Variants in CLPSL2 observed in about 807,000 individuals in gnomAD.
CLPSL2 encodes colipase-like protein 2.
CLPSL2 carries 4 observed loss-of-function variants against 7.9 expected under a neutral mutation model. The observed-to-expected ratio is 0.50, with a 90% CI of 0.25 to 1.15. The LOEUF (loss-of-function observed/expected upper bound fraction) is 1.15, where lower values mean the gene tolerates loss of function less well. Among genes scored for constraint, CLPSL2 ranks in the 50% most tolerant of loss-of-function variants. The pLI, the probability that CLPSL2 is intolerant of heterozygous loss-of-function variation, is 0.15. For missense variants in CLPSL2, 132 were observed against 136.6 expected (o/e 0.97, Z 0.17); for synonymous variants, 67 against 53.1 (o/e 1.26, Z -1.14).
Position 35,777,429 on chromosome 6 carries a change from G to A in CLPSL2, c.85-30G>A, listed in dbSNP as rs780564346. ...CCACACGACTCAGGGATTGCTCCCA[G>A]CCTGGCAGACATTCTGCCTGTCCCC... On this transcript the variant is annotated intron_variant, in intron 1 of 2. Transcript: ENST00000403376. The A allele has an allele frequency of 1.5e-5, 24 of 1,608,896 alleles. No individual in the cohort carries two copies. In the South Asian group the frequency reaches 2.5e-4, roughly 17 times the overall value.
chr6:35,778,905 T>G (rs1767903907), intron 2 of CLPSL2, among the ~76,000 whole-genome samples: 1 of 152,158 alleles, frequency 6.6e-6, no homozygotes, highest in South Asian at 2.1e-4. Context: ...GCAATTCCTC[T>G]GCCTCAGCCT....
chr6:35,777,778 G>A (rs1400303346), intron 2 of CLPSL2, 197 bp downstream of exon 2: 3 of 726,476 alleles, frequency 4.1e-6, no homozygotes, highest in Non-Finnish European at 5.0e-6. Context: ...TGGAGCTCCT[G>A]TACCCTGGGG....
rs931247384 is a variant in CLPSL2, at chr6:35,779,351, G to C, written c.208-4G>C. 1 of 1,553,680 alleles carries C rather than the reference G, an allele frequency of 6.4e-7. No homozygotes were observed. Among genetic ancestry groups the C allele is most frequent in the Non-Finnish European group, 8.7e-7 (1 of 1,143,392 alleles). On this transcript the variant is annotated splice_polypyrimidine_tract_variant and splice_region_variant and intron_variant, in intron 2 of 2. Coordinates refer to ENST00000403376, the MANE Select transcript of CLPSL2 (RefSeq NM_207409.4). ...CTCCCGATTCTCATACCCACTCCCT[G>C]CAGACCAAGGGAGCTACCAACATCA... is the stretch of plus-strand genomic sequence containing the variant.
At position 35,778,626 on chromosome 6, in the gene CLPSL2, GA is replaced by G. The variant is rs559135506; in HGVS notation, c.208-727del. The stretch of plus-strand genomic sequence containing the variant: ...CTCGCTTTTAGGAATGCAGGGAGCA[GA>G]ATGCTCAGTACGCCCTGTTCCTGCC... On this transcript the variant is annotated intron_variant, in intron 2 of 2. Coordinates refer to ENST00000403376, the MANE Select transcript of CLPSL2 (RefSeq NM_207409.4). Among the ~76,000 whole-genome samples the G allele has an allele frequency of 8.5e-3, 1,296 of 152,324 alleles. 15 individuals are homozygous for G. Among genetic ancestry groups the G allele is most frequent in the Admixed American group, 0.015 (227 of 15,304 alleles).
chr6:35,776,797 A>G, intron 1 of CLPSL2, 95 bp downstream of exon 1: 2 of 1,155,060 alleles, frequency 1.7e-6, no homozygotes, highest in Non-Finnish European at 2.3e-6. Flanking sequence ...GCAGCCTGAA[A>G]GGGAGAGGTG....
intron 1 of CLPSL2, 69 bp downstream of exon 1, chr6:35,776,771 A>C: frequency 7.7e-7 from 1 of 1,294,420 alleles, no homozygotes; most frequent in East Asian, 3.2e-5. Context: ...GGGGCACTGG[A>C]GCCCGAAGGC....
intron 2 of CLPSL2, chr6:35,777,942 T>C (rs1262985561): frequency 1.4e-6 from 1 of 716,482 alleles, no homozygotes; most frequent in Non-Finnish European, 2.6e-6. Flanking sequence ...AGGTGCTCAA[T>C]AAATGCTTAT....
intron 1 of CLPSL2, 125 bp from the exon 2 acceptor site, chr6:35,777,334 G>A (rs1341221853): frequency 3.6e-6 from 4 of 1,101,194 alleles, no homozygotes; most frequent in African/African-American, 3.1e-5. Flanking sequence ...CCCCCCAAGG[G>A]GTGACAACCT....
At chr6:35,777,630 G>C in intron 2 of CLPSL2, 49 bp downstream of exon 2, 3 of 1,556,472 alleles carry the variant, frequency 1.9e-6, no homozygotes, top group South Asian at 1.2e-5. Context: ...AAGCGGGCAG[G>C]GAGGTTAAAA....
chr6:35,777,913 C>T, intron 2 of CLPSL2: 2 of 717,462 alleles, frequency 2.8e-6, no homozygotes, highest in Non-Finnish European at 5.2e-6. Context: ...CTACCCCCAG[C>T]TTAGTATCTG....
intron 2 of CLPSL2, chr6:35,778,005 G>C: frequency 1.5e-6 from 1 of 678,808 alleles, no homozygotes; most frequent in Non-Finnish European, 2.7e-6. Context: ...ACCCAGGCTA[G>C]AGTGCAATGG....
intron 1 of CLPSL2, 131 bp from the exon 2 acceptor site, chr6:35,777,328 C>A: frequency 9.5e-7 from 1 of 1,047,934 alleles, no homozygotes; most frequent in Admixed American, 2.2e-5. Flanking sequence ...AACCAGCCCC[C>A]CAAGGGGTGA....
chr6:35,778,884 C>T (rs921391207), intron 2 of CLPSL2, among the ~76,000 whole-genome samples: 3 of 152,138 alleles, frequency 2.0e-5, no homozygotes, highest in African/African-American at 7.2e-5. Flanking sequence ...ACCTCCACCT[C>T]CTGGGTTCAA....
At position 35,779,456 on chromosome 6, in the gene CLPSL2, G is replaced by C. The variant is rs1767921064; in HGVS notation, c.*6G>C. On this transcript the variant is annotated 3_prime_UTR_variant, in exon 3 of 3. Coordinates refer to ENST00000403376, the MANE Select transcript of CLPSL2 (RefSeq NM_207409.4). ...GCCGGTGCCATATGATTTAGAGGAA[G>C]ATGCAGGCTGGTCACTGCTCCCTTG... 3 of 1,570,830 alleles carry C rather than the reference G, an allele frequency of 1.9e-6. No individual in the cohort carries two copies. Among genetic ancestry groups the C allele is most frequent in the Non-Finnish European group, 1.7e-6 (2 of 1,157,640 alleles).
In CLPSL2 at chr6:35,777,586, G is replaced by A; in HGVS notation, c.207+5G>A. The A allele has an allele frequency of 6.2e-7, 1 of 1,612,350 alleles. No individual in the cohort carries two copies. Among genetic ancestry groups the A allele is most frequent in the Non-Finnish European group, 8.5e-7 (1 of 1,179,160 alleles). ...ACCATGATCTGCTTGCCCCAGGTGA[G>A]GCCCTAGTATGGGGCAACTTCTGGC... On this transcript the variant is annotated splice_donor_5th_base_variant and intron_variant, in intron 2 of 2. Coordinates refer to ENST00000403376, the MANE Select transcript of CLPSL2 (RefSeq NM_207409.4).
At position 35,776,639 on chromosome 6, in the gene CLPSL2, C is replaced by T; in HGVS notation, c.21C>T (p.Leu7=). Residue 7 remains leucine (L), a synonymous_variant, in exon 1 of 3, where the codon CTC becomes CTT. Transcript: ENST00000403376. The part of the protein sequence containing the change: MAAALA[L]VAGVLSGAVL... ...GGCCCATGGCCGCAGCCCTGGCGCT[C>T]GTGGCGGGGGTCCTGTCGGGGGCGG... 2.0e-6 allele frequency: 3 copies of T among 1,498,088 alleles called. No homozygotes were observed. The highest frequency in any genetic ancestry group is 2.7e-6 in the Non-Finnish European group (3 of 1,131,188). 92.8% of individuals were successfully genotyped at this position (1,498,088 alleles called of 1,614,324 possible). A position where few individuals can be genotyped will look rare whatever the true frequency, so the allele number is the denominator to read the frequency against.
chr6:35,777,086 G>A (rs571832376), intron 1 of CLPSL2, among the ~76,000 whole-genome samples: 1 of 152,096 alleles, frequency 6.6e-6, no homozygotes, highest in Non-Finnish European at 1.5e-5. Context: ...CCAGGCACGA[G>A]GGCTCTCCCC....
Position 35,777,589 on chromosome 6 carries a change from C to CTT in CLPSL2, c.207+8_207+9insTT, listed in dbSNP as rs1767869773. 6.2e-7 allele frequency: 1 copy of CTT among 1,609,612 alleles called. No homozygotes were observed. Among genetic ancestry groups the CTT allele is most frequent in the Non-Finnish European group, 8.5e-7 (1 of 1,177,930 alleles). ...ATGATCTGCTTGCCCCAGGTGAGGC[C>CTT]CTAGTATGGGGCAACTTCTGGCAAG... On this transcript the variant is annotated intron_variant, in intron 2 of 2. Transcript: ENST00000403376.
chr6:35,778,964 C>T (rs1447309864), intron 2 of CLPSL2, among the ~76,000 whole-genome samples: 1 of 151,834 alleles, frequency 6.6e-6, no homozygotes, highest in Non-Finnish European at 1.5e-5. Flanking sequence ...TATTATTAGT[C>T]CATGACCATG....
Sources: gnomAD v4.1 joint callset for allele counts (sites outside exome capture counted in the v4.1 genomes callset) on GRCh38, gnomAD v4.1.1 for gene constraint, MANE v1.5 for transcripts, NCBI Gene and HGNC (gene_info 2026-07-23, HGNC 2026-07-21) for gene names.